The following NXPE4 variants were observed in gnomAD, a reference collection of about 807,000 sequenced individuals.
NXPE4 encodes neurexophilin and PC-esterase domain family member 4, also known as NXPE family member 4.
Under a neutral mutation model 33.3 loss-of-function variants are expected in NXPE4, and 42 were observed. The observed-to-expected ratio is 1.26, with a 90% CI of 0.98 to 1.63. The LOEUF (loss-of-function observed/expected upper bound fraction) is 1.63. Ranked by LOEUF, NXPE4 falls within the 40% of genes most tolerant of loss-of-function variation. The pLI is 0.00. For synonymous variants in NXPE4, 253 were observed against 234.9 expected (o/e 1.08, Z -0.71); for missense variants, 709 against 647.6 (o/e 1.09, Z -1.03).
At chr11:114,607,309 G>T in the NXPE4 span, among the ~76,000 whole-genome samples, 1 of 151,784 alleles carries the variant, frequency 6.6e-6, no homozygotes, top group Admixed American at 6.6e-5. Flanking sequence ...ATTGCCTCGT[G>T]GGTCACCATT....
intron 2 of NXPE4, chr11:114,584,539 G>A (rs150072135): frequency 4.9e-5 from 8 of 164,856 alleles, no homozygotes; most frequent in African/African-American, 1.2e-4. Context: ...GAGGGAGAGC[G>A]TGGCTGCAAG....
chr11:114,577,161 CAT>C (rs373459330), intron 5 of NXPE4, among the ~76,000 whole-genome samples: 5,458 of 134,478 alleles, frequency 0.041, 304 homozygotes, highest in African/African-American at 0.13. Context: ...ATATATGTGT[CAT>C]ATATATATAT....
chr11:114,678,128 C>A, the NXPE4 span, among the ~76,000 whole-genome samples: 4 of 152,192 alleles, frequency 2.6e-5, no homozygotes, highest in East Asian at 7.7e-4. Flanking sequence ...CCAGCTGAAT[C>A]AATTCTCAGG....
At chr11:114,660,312 C>T in the NXPE4 span, among the ~76,000 whole-genome samples, 3 of 151,776 alleles carry the variant, frequency 2.0e-5, no homozygotes, top group Non-Finnish European at 4.4e-5. Context: ...AAAGAGATTC[C>T]AAAACCCTAA....
At chr11:114,573,925 C>A (rs968509351) in intron 5 of NXPE4, among the ~76,000 whole-genome samples, 1 of 152,050 alleles carries the variant, frequency 6.6e-6, no homozygotes, top group East Asian at 1.9e-4. Context: ...TTTATCAGCA[C>A]ATGGAACATT....
chr11:114,662,224 A>G, the NXPE4 span, among the ~76,000 whole-genome samples: 1 of 134,656 alleles, frequency 7.4e-6, no homozygotes, highest in African/African-American at 2.6e-5. Context: ...GTTTCTGTGC[A>G]CTGGGGAGAG....
chr11:114,640,785 C>A, the NXPE4 span, among the ~76,000 whole-genome samples: 1 of 152,006 alleles, frequency 6.6e-6, no homozygotes, highest in South Asian at 2.1e-4. Flanking sequence ...GTAATTTACT[C>A]ACTTTATAAT....
At chr11:114,647,942 C>T in the NXPE4 span, among the ~76,000 whole-genome samples, 1 of 152,176 alleles carries the variant, frequency 6.6e-6, no homozygotes, top group African/African-American at 2.4e-5. Context: ...CCTCGTGATC[C>T]ACCTGCCTTG....
the NXPE4 span, among the ~76,000 whole-genome samples, chr11:114,671,339 A>AGAC: frequency 9.7e-4 from 4 of 4,126 alleles, no homozygotes; most frequent in Non-Finnish European, 6.8e-3. Context: ...TAGAGGAATT[A>AGAC]GGAGAGGATA....
At chr11:114,627,067 T>C in the NXPE4 span, among the ~76,000 whole-genome samples, 19 of 151,010 alleles carry the variant, frequency 1.3e-4, no homozygotes, top group East Asian at 2.5e-3. Flanking sequence ...AGTGACGGGG[T>C]GAATGGAACC....
the NXPE4 span, among the ~76,000 whole-genome samples, chr11:114,672,731 T>C: frequency 6.6e-6 from 1 of 151,948 alleles, no homozygotes; most frequent in African/African-American, 2.4e-5. Context: ...TTTTCTAATG[T>C]TAAAAGTGTC....
At chr11:114,616,365 C>G in the NXPE4 span, among the ~76,000 whole-genome samples, 2 of 151,378 alleles carry the variant, frequency 1.3e-5, no homozygotes, top group African/African-American at 4.9e-5. Flanking sequence ...CACGTGTAAC[C>G]ACTGTTACCC....
chr11:114,580,337 T>C lies in NXPE4; in HGVS notation c.894A>G (p.Lys298=), dbSNP rs764517624. The C allele has an allele frequency of 4.3e-6, 7 of 1,613,688 alleles. No homozygotes were observed. The highest frequency in any genetic ancestry group is 5.9e-6 in the Non-Finnish European group (7 of 1,179,734). Residue 298 remains lysine, a splice_region_variant and synonymous_variant, in exon 5 of 6, where the codon AAA becomes AAG. Transcript: ENST00000375478. ...ATTTCTCTTTCATTGCAACTGTTTCTTCTGCCAAAGAATCAATGAGATAGG... is the reference window on the plus strand; with the variant it reads ...ATTTCTCTTTCATTGCAACTGTTTCCTCTGCCAAAGAATCAATGAGATAGG... ...FNTISVSKCN[K]ETVAMKEKCK...
chr11:114,626,144 C>A, the NXPE4 span, among the ~76,000 whole-genome samples: 2 of 152,260 alleles, frequency 1.3e-5, no homozygotes, highest in Non-Finnish European at 2.9e-5. Flanking sequence ...AACAAAGCAG[C>A]CGGGAAGCTC....
chr11:114,598,516 G>A (rs115125030), upstream of NXPE4, among the ~76,000 whole-genome samples: 443 of 152,350 alleles, frequency 2.9e-3, 3 homozygotes, highest in African/African-American at 0.01. Flanking sequence ...TGGACATATA[G>A]GCTTTTCCAT....
chr11:114,636,708 A>T, the NXPE4 span, among the ~76,000 whole-genome samples: 1 of 151,888 alleles, frequency 6.6e-6, no homozygotes, highest in African/African-American at 2.4e-5. Context: ...TTCTGCCTTC[A>T]TTTCGTTATG....
the NXPE4 span, among the ~76,000 whole-genome samples, chr11:114,639,302 T>C: frequency 6.6e-6 from 1 of 152,050 alleles, no homozygotes; most frequent in Non-Finnish European, 1.5e-5. Context: ...TGGTGCACCG[T>C]TCCTTAAGCC....
At chr11:114,599,979 G>A (rs918716012), upstream of NXPE4, among the ~76,000 whole-genome samples, 6 of 151,860 alleles carry the variant, frequency 4.0e-5, no homozygotes, top group African/African-American at 9.7e-5. Context: ...TAAATAAATG[G>A]GGTAAAATAA....
chr11:114,614,712 T>C, the NXPE4 span, among the ~76,000 whole-genome samples: 1 of 151,314 alleles, frequency 6.6e-6, no homozygotes, highest in East Asian at 2.0e-4. Context: ...ACCTGGTGGA[T>C]AATAAGTGTT....
Sources: gnomAD v4.1 joint callset for allele counts (sites outside exome capture counted in the v4.1 genomes callset) on GRCh38, gnomAD v4.1.1 for gene constraint, MANE v1.5 for transcripts, NCBI Gene and HGNC (gene_info 2026-07-23, HGNC 2026-07-21) for gene names.